Variants in ADAMTSL1 observed in about 807,000 individuals in gnomAD.
The protein encoded by ADAMTSL1 is ADAMTS-like protein 1.
A neutral mutation model predicts 201.8 loss-of-function variants in ADAMTSL1; 126 were observed. The ratio of observed to expected loss-of-function variants is 0.62; its 90% CI spans 0.54 to 0.72. The LOEUF (loss-of-function observed/expected upper bound fraction) is 0.72, where lower values mean the gene tolerates loss of function less well. ADAMTSL1 is among the 30% of genes least tolerant of loss of function. The pLI, the probability that ADAMTSL1 is intolerant of heterozygous loss-of-function variation, is 0.00. For synonymous variants in ADAMTSL1, 1,121 were observed against 903.4 expected (o/e 1.24, Z -4.32); for missense variants, 2,679 against 2,277.8 (o/e 1.18, Z -3.59).
At chr9:18,171,352 A>T (rs1184934716) in intron 2 of ADAMTSL1, among the ~76,000 whole-genome samples, 1 of 152,136 alleles carries the variant, frequency 6.6e-6, no homozygotes, top group African/African-American at 2.4e-5. Context: ...TTAAAAATGA[A>T]CTTGTATAAG....
chr9:18,240,574 C>T (rs995143684), intron 2 of ADAMTSL1, among the ~76,000 whole-genome samples: 1 of 152,116 alleles, frequency 6.6e-6, no homozygotes, highest in African/African-American at 2.4e-5. Flanking sequence ...TTAGACTGTC[C>T]TTCGAAGCAA....
intron 2 of ADAMTSL1, among the ~76,000 whole-genome samples, chr9:18,421,653 T>C (rs1249046617): frequency 1.3e-5 from 2 of 152,084 alleles, no homozygotes. Flanking sequence ...AAAAAGTAAA[T>C]AGACACCAGA....
chr9:18,023,560 C>T (rs985307861), intron 1 of ADAMTSL1, among the ~76,000 whole-genome samples: 2 of 152,186 alleles, frequency 1.3e-5, no homozygotes, highest in Admixed American at 6.6e-5. Context: ...CTCATTAACA[C>T]TGAAACTTAC....
intron 2 of ADAMTSL1, among the ~76,000 whole-genome samples, chr9:18,325,722 A>C (rs1191016804): frequency 6.6e-6 from 1 of 150,852 alleles, no homozygotes; most frequent in East Asian, 1.9e-4. Flanking sequence ...TGTTGCCTGA[A>C]GCCTCTTTTA....
At chr9:18,543,423 T>C (rs1820280789) in intron 3 of ADAMTSL1, among the ~76,000 whole-genome samples, 1 of 152,292 alleles carries the variant, frequency 6.6e-6, no homozygotes, top group African/African-American at 2.4e-5. Flanking sequence ...TGACTTTGAT[T>C]GTTTCTCTGA....
chr9:18,009,400 C>A (rs568443061), intron 1 of ADAMTSL1, among the ~76,000 whole-genome samples: 1 of 152,064 alleles, frequency 6.6e-6, no homozygotes, highest in Non-Finnish European at 1.5e-5. Context: ...TGCTTACTTG[C>A]CTATTTGCCT....
At chr9:18,344,983 T>C (rs146646439) in intron 2 of ADAMTSL1, among the ~76,000 whole-genome samples, 75 of 152,182 alleles carry the variant, frequency 4.9e-4, no homozygotes, top group African/African-American at 1.7e-3. Context: ...TCCACTAAGC[T>C]CAAAGGCATG....
chr9:18,379,323 G>A (rs1328046901), intron 2 of ADAMTSL1, among the ~76,000 whole-genome samples: 2 of 152,194 alleles, frequency 1.3e-5, no homozygotes, highest in African/African-American at 4.8e-5. Context: ...CTGAGTCAGG[G>A]TAATGAGGAA....
chr9:17,940,712 C>CAAAAAAAAAAAAA (rs60466124), intron 1 of ADAMTSL1, among the ~76,000 whole-genome samples: 6 of 88,670 alleles, frequency 6.8e-5, no homozygotes, highest in Admixed American at 1.5e-4. Flanking sequence ...GCATAACGTG[C>CAAAAAAAAAAAAA]AAAAAAAAAA....
At chr9:18,484,157 T>C (rs757440672) in intron 1 of ADAMTSL1, among the ~76,000 whole-genome samples, 4 of 152,238 alleles carry the variant, frequency 2.6e-5, no homozygotes, top group African/African-American at 7.2e-5. Flanking sequence ...GTACTGGCTA[T>C]GCTATATTGA....
At chr9:17,959,765 T>C (rs1817659803) in intron 1 of ADAMTSL1, among the ~76,000 whole-genome samples, 2 of 152,192 alleles carry the variant, frequency 1.3e-5, no homozygotes, top group African/African-American at 2.4e-5. Context: ...CTTGACATTT[T>C]TTAGAAAAGT....
At chr9:18,679,304 T>C (rs1830307768) in intron 10 of ADAMTSL1, among the ~76,000 whole-genome samples, 1 of 152,164 alleles carries the variant, frequency 6.6e-6, no homozygotes, top group Non-Finnish European at 1.5e-5. Flanking sequence ...CTAAGAGAAA[T>C]CTTAAATCTC....
intron 1 of ADAMTSL1, among the ~76,000 whole-genome samples, chr9:17,928,872 C>G (rs542341438): frequency 3.0e-4 from 46 of 152,234 alleles, no homozygotes; most frequent in African/African-American, 1.1e-3. Flanking sequence ...TGTGGAGCAA[C>G]AGACAAGGTA....
intron 2 of ADAMTSL1, among the ~76,000 whole-genome samples, chr9:18,269,965 A>G (rs558485403): frequency 1.3e-5 from 2 of 152,050 alleles, no homozygotes; most frequent in East Asian, 3.9e-4. Flanking sequence ...TGGAACAGCA[A>G]TTTTTGGAAG....
intron 4 of ADAMTSL1, among the ~76,000 whole-genome samples, chr9:18,620,015 ATTTTTTT>A (rs35177614): frequency 5.9e-4 from 60 of 101,242 alleles, no homozygotes; most frequent in Admixed American, 7.5e-4. Context: ...CAGTTTTCTG[ATTTTTTT>A]TTTTTTTTTT....
chr9:18,759,994 G>GT (rs2133654357), intron 16 of ADAMTSL1, among the ~76,000 whole-genome samples: 1 of 152,258 alleles, frequency 6.6e-6, no homozygotes, highest in African/African-American at 2.4e-5. Context: ...GCATAGCACC[G>GT]TGTCTAACTG....
intron 3 of ADAMTSL1, among the ~76,000 whole-genome samples, chr9:18,560,256 A>G (rs896388888): frequency 3.9e-5 from 6 of 152,150 alleles, no homozygotes; most frequent in African/African-American, 9.7e-5. Flanking sequence ...TTCTGCATCT[A>G]TTGAGACAAT....
At chr9:18,434,406 C>T (rs75074345) in intron 2 of ADAMTSL1, among the ~76,000 whole-genome samples, 45 of 152,210 alleles carry the variant, frequency 3.0e-4, no homozygotes, top group South Asian at 1.2e-3. Flanking sequence ...ACCTACAGTA[C>T]GCCTGGAACT....
intron 2 of ADAMTSL1, among the ~76,000 whole-genome samples, chr9:18,437,402 A>G (rs1044056478): frequency 2.0e-5 from 3 of 151,960 alleles, no homozygotes; most frequent in Admixed American, 1.3e-4. Flanking sequence ...GTTTCTTCCA[A>G]TGAGACCCCT....
Sources: gnomAD v4.1 joint callset for allele counts (sites outside exome capture counted in the v4.1 genomes callset) on GRCh38, gnomAD v4.1.1 for gene constraint, MANE v1.5 for transcripts, NCBI Gene and HGNC (gene_info 2026-07-23, HGNC 2026-07-21) for gene names.